BANK1: variants seen among roughly 807,000 people sequenced by gnomAD.
The protein encoded by BANK1 is B cell scaffold protein with ankyrin repeats 1, also known as B-cell scaffold protein with ankyrin repeats.
BANK1 carries 95 observed loss-of-function variants against 94.5 expected under a neutral mutation model. That is an observed-to-expected ratio of 1.00 (90% CI 0.85 to 1.19). The LOEUF is 1.19. Among genes scored for constraint, BANK1 ranks in the 50% most tolerant of loss-of-function variants. The pLI, the probability that BANK1 is intolerant of heterozygous loss-of-function variation, is 0.00. For synonymous variants in BANK1, 334 were observed against 308.4 expected (o/e 1.08, Z -0.87); for missense variants, 987 against 932.2 (o/e 1.06, Z -0.77).
At chr4:101,976,999 G>A (rs1578431870) in intron 7 of BANK1, 2 of 152,078 alleles carry the variant, frequency 1.3e-5, no homozygotes, top group Admixed American at 1.3e-4. Context: ...TGTTGTGAAA[G>A]TCATCCAGAT....
intron 1 of BANK1, among the ~76,000 whole-genome samples, chr4:101,792,504 C>T: frequency 6.8e-6 from 1 of 147,632 alleles, no homozygotes; most frequent in African/African-American, 2.5e-5. Context: ...CCCTCTCTCT[C>T]CAACAACTAT....
intron 16 of BANK1, 110 bp from the exon 17 acceptor site, chr4:102,073,895 G>A (rs1370024600): frequency 3.4e-6 from 2 of 592,820 alleles, no homozygotes; most frequent in Admixed American, 6.7e-5. Flanking sequence ...CAAGCTAAAG[G>A]TGATTGCTCT....
chr4:102,001,660 C>T (rs755270280), intron 7 of BANK1, among the ~76,000 whole-genome samples: 3 of 152,104 alleles, frequency 2.0e-5, no homozygotes, highest in Admixed American at 6.6e-5. Flanking sequence ...GAGTGAAGGG[C>T]GCAGTCAACC....
At chr4:101,960,953 T>C (rs1469792134) in intron 7 of BANK1, among the ~76,000 whole-genome samples, 2 of 152,294 alleles carry the variant, frequency 1.3e-5, no homozygotes, top group African/African-American at 4.8e-5. Flanking sequence ...AAAGCCTTTT[T>C]TTAAAACCAA....
chr4:101,813,107 A>G (rs571771310), intron 1 of BANK1, among the ~76,000 whole-genome samples: 6 of 152,244 alleles, frequency 3.9e-5, no homozygotes, highest in African/African-American at 1.4e-4. Flanking sequence ...TAAACATCAT[A>G]TTTGTATTTA....
chr4:101,909,868 T>C (rs1043229263), intron 6 of BANK1, among the ~76,000 whole-genome samples: 2 of 152,216 alleles, frequency 1.3e-5, no homozygotes, highest in African/African-American at 4.8e-5. Context: ...ACTTCTATTA[T>C]AGTCTTTTCC....
At chr4:101,961,963 T>G (rs1405173499) in intron 7 of BANK1, among the ~76,000 whole-genome samples, 1 of 152,142 alleles carries the variant, frequency 6.6e-6, no homozygotes, top group Non-Finnish European at 1.5e-5. Context: ...CAGGAATAAT[T>G]TCACTGTCAC....
chr4:101,803,997 C>CAAAAAAAAAAAAAAAAAAA (rs55704915), intron 1 of BANK1, among the ~76,000 whole-genome samples: 2 of 68,388 alleles, frequency 2.9e-5, no homozygotes, highest in African/African-American at 6.6e-5. Flanking sequence ...GACTCCGTCT[C>CAAAAAAAAAAAAAAAAAAA]AAAAAAAAAA....
At chr4:102,017,954 C>T (rs1726767055) in intron 7 of BANK1, among the ~76,000 whole-genome samples, 1 of 152,078 alleles carries the variant, frequency 6.6e-6, no homozygotes, top group Admixed American at 6.6e-5. Context: ...TAATTTTACA[C>T]TCAGCATTTC....
intron 7 of BANK1, among the ~76,000 whole-genome samples, chr4:101,938,872 T>C (rs1307575796): frequency 6.6e-6 from 1 of 151,644 alleles, no homozygotes; most frequent in African/African-American, 2.4e-5. Context: ...CTACATTCAG[T>C]CAACTCTCAT....
chr4:101,950,060 T>TGTGTGTGC lies in BANK1; in HGVS notation c.1206+31872_1206+31873insTGTGTGCG, dbSNP rs369393040. ...GTGTGTGTGTGTGTGTGTGTGTGTGTGCGCGTGCGCGCGCATGTGCCTACA... is the reference window on the plus strand; with the variant it reads ...GTGTGTGTGTGTGTGTGTGTGTGTGTGTGTGTGCGCGCGTGCGCGCGCATGTGCCTACA... On this transcript the variant is annotated intron_variant, in intron 7 of 16. Transcript: ENST00000322953. Among the ~76,000 whole-genome samples, 525 of 139,422 alleles carry TGTGTGTGC rather than the reference T, an allele frequency of 3.8e-3. 2 individuals carry two copies. Among genetic ancestry groups the TGTGTGTGC allele is most frequent in the African/African-American group, 0.014 (434 of 32,002 alleles). 91.5% of individuals were successfully genotyped at this position (139,422 alleles called of 152,430 possible).
chr4:101,973,078 C>T (rs1400629473), intron 7 of BANK1, among the ~76,000 whole-genome samples: 1 of 151,530 alleles, frequency 6.6e-6, no homozygotes, highest in Middle Eastern at 3.2e-3. Flanking sequence ...GCTCTATTAC[C>T]CAACGTGGTA....
At chr4:101,863,393 A>C (rs1474735386) in intron 4 of BANK1, among the ~76,000 whole-genome samples, 2 of 152,050 alleles carry the variant, frequency 1.3e-5, no homozygotes, top group Admixed American at 6.5e-5. Flanking sequence ...ATCTTATTAA[A>C]CCTCATAAAT....
At chr4:101,964,948 A>G (rs1268873066) in intron 7 of BANK1, among the ~76,000 whole-genome samples, 1 of 124,228 alleles carries the variant, frequency 8.0e-6, no homozygotes, top group African/African-American at 3.1e-5. Context: ...CCAGAGTGTG[A>G]TGTTCCCCTT....
intron 7 of BANK1, among the ~76,000 whole-genome samples, chr4:101,944,681 A>T (rs1723872230): frequency 6.6e-6 from 1 of 151,986 alleles, no homozygotes; most frequent in Admixed American, 6.6e-5. Flanking sequence ...ACAGATTAGG[A>T]ACACTTCCCA....
intron 7 of BANK1, among the ~76,000 whole-genome samples, chr4:101,933,268 A>G (rs550680491): frequency 9.4e-5 from 14 of 149,580 alleles, no homozygotes; most frequent in African/African-American, 2.4e-4. Flanking sequence ...TTGGAGTGAC[A>G]GGTAGCGTAT....
intron 7 of BANK1, among the ~76,000 whole-genome samples, chr4:102,009,026 A>G (rs1726398697): frequency 6.6e-6 from 1 of 152,222 alleles, no homozygotes; most frequent in Non-Finnish European, 1.5e-5. Flanking sequence ...GTTGGCATCC[A>G]TATGACATGG....
intron 5 of BANK1, among the ~76,000 whole-genome samples, chr4:101,888,283 TGA>T (rs1283800553): frequency 2.0e-5 from 3 of 152,148 alleles, no homozygotes; most frequent in Admixed American, 6.5e-5. Context: ...ACATATCACG[TGA>T]GAGAGTTTTC....
chr4:101,830,289 C>G (rs1277993570), intron 2 of BANK1, 83 bp downstream of exon 2: 7 of 1,142,772 alleles, frequency 6.1e-6, no homozygotes, highest in Non-Finnish European at 7.1e-6. Flanking sequence ...GTTTTAGAAC[C>G]AATAACTGGT....
Sources: gnomAD v4.1 joint callset for allele counts (sites outside exome capture counted in the v4.1 genomes callset) on GRCh38, gnomAD v4.1.1 for gene constraint, MANE v1.5 for transcripts, NCBI Gene and HGNC (gene_info 2026-07-23, HGNC 2026-07-21) for gene names.